The following WIPF1 variants were observed in gnomAD, a reference collection of about 807,000 sequenced individuals.
The protein encoded by WIPF1 is WAS/WASL interacting protein family member 1.
A neutral mutation model predicts 35.4 loss-of-function variants in WIPF1; 13 were observed. The ratio of observed to expected loss-of-function variants is 0.37; its 90% CI spans 0.24 to 0.58. The LOEUF is 0.58. Ranked by LOEUF, WIPF1 falls within the 20% of genes least tolerant of loss-of-function variation. The pLI, the probability that WIPF1 is intolerant of heterozygous loss-of-function variation, is 0.74. For missense variants in WIPF1, 591 were observed against 667.0 expected, an observed-to-expected ratio of 0.89 and a Z score of 1.25; for synonymous variants, 267 against 266.3, an observed-to-expected ratio of 1.00 and a Z score of -0.02.
rs750915536 is a variant in WIPF1 at position 174,567,869 on chromosome 2, G to A, written c.1334C>T (p.Pro445Leu). 15 of 1,586,972 alleles carry A rather than the reference G, an allele frequency of 9.5e-6. No homozygotes were observed. Among genetic ancestry groups the A allele is most frequent in the Non-Finnish European group, 1.2e-5 (14 of 1,164,906 alleles). Residue 445 changes from proline (P) to leucine (L), a missense_variant, in exon 6 of 8, where the codon CCA becomes CTA. Around this residue, in one of 3 missense-constraint regions of WIPF1, gnomAD observed 117 missense variants for 149.6 expected, o/e 0.78. Coordinates refer to ENST00000679041, the MANE Select transcript of WIPF1 (RefSeq NM_001375834.1). ...TSIRNGFQDS[P>L]CEDEWESRFY... is the part of the protein sequence containing the mutation. ...CTGGGACCACACCTCACCTTCACAT[G>A]GAGAGTCTTGGAAGCCATTTCTAAT...
chr2:174,607,978 C>T (rs1356911455), intron 1 of WIPF1, among the ~76,000 whole-genome samples: 2 of 152,146 alleles, frequency 1.3e-5, no homozygotes, highest in Non-Finnish European at 1.5e-5. Context: ...CAAAAAGGTG[C>T]CAGGATAAAG....
intron 1 of WIPF1, among the ~76,000 whole-genome samples, chr2:174,592,895 C>G (rs1247414484): frequency 6.6e-6 from 1 of 152,140 alleles, no homozygotes; most frequent in Non-Finnish European, 1.5e-5. Flanking sequence ...CATGAGCCAC[C>G]ATGCCTGAAC....
At chr2:174,669,164 T>C (rs1216574148) in intron 1 of WIPF1, among the ~76,000 whole-genome samples, 1 of 152,212 alleles carries the variant, frequency 6.6e-6, no homozygotes, top group Non-Finnish European at 1.5e-5. Flanking sequence ...TCTGTGGCCA[T>C]GGCAAAGTAC....
At chr2:174,573,960 G>A (rs1329467770) in intron 4 of WIPF1, among the ~76,000 whole-genome samples, 3 of 151,352 alleles carry the variant, frequency 2.0e-5, no homozygotes, top group Non-Finnish European at 4.4e-5. Flanking sequence ...TGCAATCACG[G>A]CTCATTGCAG....
chr2:174,682,506 G>C (rs1167023004), intron 1 of WIPF1, among the ~76,000 whole-genome samples: 1 of 152,122 alleles, frequency 6.6e-6, no homozygotes, highest in Non-Finnish European at 1.5e-5. Context: ...GCGGGACCCA[G>C]GCTGTCCACG....
At chr2:174,626,687 T>C (rs1348384422) in intron 1 of WIPF1, among the ~76,000 whole-genome samples, 1 of 152,212 alleles carries the variant, frequency 6.6e-6, no homozygotes, top group Non-Finnish European at 1.5e-5. Flanking sequence ...TCAATCCAAC[T>C]GCCAATCTTG....
chr2:174,670,832 G>C (rs1688000715), intron 1 of WIPF1, among the ~76,000 whole-genome samples: 1 of 152,224 alleles, frequency 6.6e-6, no homozygotes, highest in Admixed American at 6.5e-5. Flanking sequence ...TGCCATCATA[G>C]TGAATGCCCT....
intron 1 of WIPF1, among the ~76,000 whole-genome samples, chr2:174,633,520 C>A (rs2105936489): frequency 6.6e-6 from 1 of 152,344 alleles, no homozygotes; most frequent in South Asian, 2.1e-4. Context: ...GCTAACCTGT[C>A]CTAGAGCTGC....
At chr2:174,579,762 T>G (rs1335244628) in intron 3 of WIPF1, among the ~76,000 whole-genome samples, 1 of 152,234 alleles carries the variant, frequency 6.6e-6, no homozygotes, top group Non-Finnish European at 1.5e-5. Context: ...AGGCTCCCTC[T>G]TGCAGTGAGG....
intron 1 of WIPF1, among the ~76,000 whole-genome samples, chr2:174,638,313 G>T (rs1322005969): frequency 6.6e-6 from 1 of 152,110 alleles, no homozygotes; most frequent in East Asian, 1.9e-4. Context: ...GGTACAATGT[G>T]ATATTTTGAT....
intron 1 of WIPF1, among the ~76,000 whole-genome samples, chr2:174,675,376 G>C (rs1430502622): frequency 6.6e-6 from 1 of 151,298 alleles, no homozygotes; most frequent in Non-Finnish European, 1.5e-5. Context: ...TTTTTTTTTA[G>C]AGACAGGTCT....
chr2:174,616,458 G>C (rs1293244626), intron 1 of WIPF1, among the ~76,000 whole-genome samples: 1 of 152,070 alleles, frequency 6.6e-6, no homozygotes, highest in Non-Finnish European at 1.5e-5. Context: ...AGTCCACTCT[G>C]AGCCTCCATC....
chr2:174,609,191 T>C (rs529061538), intron 1 of WIPF1, among the ~76,000 whole-genome samples: 69 of 152,312 alleles, frequency 4.5e-4, no homozygotes, highest in Middle Eastern at 6.8e-3. Context: ...CAGTAAAGAA[T>C]TGTCCCACAG....
intron 1 of WIPF1, chr2:174,623,603 T>C (rs1686741107): frequency 6.6e-6 from 1 of 152,190 alleles, no homozygotes; most frequent in Admixed American, 6.5e-5. Flanking sequence ...ATGGGAAAAA[T>C]AGTACCTCTT....
At chr2:174,564,815 G>GCACA (rs10587549) in intron 7 of WIPF1, among the ~76,000 whole-genome samples, 20,567 of 143,356 alleles carry the variant, frequency 0.14, 1,519 homozygotes, top group Middle Eastern at 0.19. Context: ...TTCTTCTGGT[G>GCACA]CACACACACA....
At chr2:174,678,433 A>G (rs899518406) in intron 1 of WIPF1, among the ~76,000 whole-genome samples, 3 of 152,178 alleles carry the variant, frequency 2.0e-5, no homozygotes, top group Non-Finnish European at 4.4e-5. Flanking sequence ...CTTCTCAACA[A>G]ATATTTGTGA....
At chr2:174,637,225 C>T (rs1687202347) in intron 1 of WIPF1, among the ~76,000 whole-genome samples, 1 of 152,082 alleles carries the variant, frequency 6.6e-6, no homozygotes, top group Non-Finnish European at 1.5e-5. Flanking sequence ...TTGACATACT[C>T]CTATCAATTT....
At chr2:174,620,145 A>G (rs151019391) in intron 1 of WIPF1, among the ~76,000 whole-genome samples, 11 of 152,346 alleles carry the variant, frequency 7.2e-5, no homozygotes, top group African/African-American at 2.6e-4. Flanking sequence ...ACAGTCTCCA[A>G]TGTTGAGACC....
chr2:174,658,657 T>A (rs1687694041), intron 1 of WIPF1, among the ~76,000 whole-genome samples: 1 of 151,962 alleles, frequency 6.6e-6, no homozygotes, highest in African/African-American at 2.4e-5. Context: ...CTCATGAGCA[T>A]CCCATTTCCT....
Sources: gnomAD v4.1 joint callset for allele counts (sites outside exome capture counted in the v4.1 genomes callset) on GRCh38, gnomAD v4.1.1 for gene constraint, gnomAD v4.1.1 regional missense constraint, MANE v1.5 for transcripts, NCBI Gene and HGNC (gene_info 2026-07-23, HGNC 2026-07-21) for gene names.